Variants in MBP observed in about 807,000 individuals in gnomAD.
MBP encodes myelin basic protein, also known as Golli-MBP.
Under a neutral mutation model 35.8 loss-of-function variants are expected in MBP, and 16 were observed. The ratio of observed to expected loss-of-function variants is 0.45; its 90% CI spans 0.30 to 0.68. The LOEUF (loss-of-function observed/expected upper bound fraction) is 0.68, where lower values mean the gene tolerates loss of function less well. MBP is among the 30% of genes least tolerant of loss of function. MBP has a pLI of 0.08. For missense variants in MBP, 380 were observed against 404.7 expected, an observed-to-expected ratio of 0.94 and a Z score of 0.52; for synonymous variants, 143 against 159.6, an observed-to-expected ratio of 0.90 and a Z score of 0.78.
intron 2 of MBP, among the ~76,000 whole-genome samples, chr18:77,078,706 T>A (rs939687622): frequency 1.3e-5 from 2 of 152,110 alleles, no homozygotes; most frequent in African/African-American, 4.8e-5. Context: ...ATCCGCAGAG[T>A]GGGGGCACAT....
At chr18:77,082,443 G>A (rs1489013314) in intron 2 of MBP, among the ~76,000 whole-genome samples, 8 of 152,186 alleles carry the variant, frequency 5.3e-5, no homozygotes, top group African/African-American at 1.9e-4. Flanking sequence ...TCTTGGGTTG[G>A]GGAATAGGAT....
At chr18:77,081,584 A>G (rs983484786) in intron 2 of MBP, among the ~76,000 whole-genome samples, 1 of 152,092 alleles carries the variant, frequency 6.6e-6, no homozygotes, top group Non-Finnish European at 1.5e-5. Flanking sequence ...ATTCATGTAC[A>G]TTGCTAGTGG....
At chr18:77,000,709 T>C (rs997962811) in intron 4 of MBP, among the ~76,000 whole-genome samples, 5 of 151,792 alleles carry the variant, frequency 3.3e-5, no homozygotes, top group African/African-American at 9.7e-5. Context: ...GTTGTTGTTG[T>C]TTTTTTTGTT....
At chr18:77,056,948 G>T (rs775685922) in intron 3 of MBP, among the ~76,000 whole-genome samples, 1 of 152,100 alleles carries the variant, frequency 6.6e-6, no homozygotes, top group Non-Finnish European at 1.5e-5. Flanking sequence ...CCCTGACCAC[G>T]CCCACACCCA....
At chr18:77,027,451 C>T (rs1021695381) in intron 3 of MBP, among the ~76,000 whole-genome samples, 16 of 152,340 alleles carry the variant, frequency 1.1e-4, no homozygotes, top group African/African-American at 3.6e-4. Flanking sequence ...TCCCCCTGGG[C>T]AGGGGCAGGG....
intron 2 of MBP, among the ~76,000 whole-genome samples, chr18:77,078,079 A>G (rs1974735960): frequency 6.6e-6 from 1 of 152,188 alleles, no homozygotes; most frequent in South Asian, 2.1e-4. Context: ...CAGCTGAAGG[A>G]CAGTCACCTG....
chr18:77,024,805 C>T (rs1037090079), intron 3 of MBP, among the ~76,000 whole-genome samples: 1 of 152,242 alleles, frequency 6.6e-6, no homozygotes, highest in Non-Finnish European at 1.5e-5. Flanking sequence ...AGTCGCTGAG[C>T]CCAGATGTGC....
intron 3 of MBP, among the ~76,000 whole-genome samples, chr18:77,064,677 T>C (rs1417064467): frequency 6.6e-6 from 1 of 152,202 alleles, no homozygotes; most frequent in Non-Finnish European, 1.5e-5. Flanking sequence ...AAAATCGGCA[T>C]AAATTATCTT....
chr18:77,002,070 G>C (rs896942172), intron 4 of MBP, among the ~76,000 whole-genome samples: 3 of 152,188 alleles, frequency 2.0e-5, no homozygotes, highest in African/African-American at 7.2e-5. Flanking sequence ...TCAAATAACT[G>C]AGTGTTGATA....
intron 4 of MBP, among the ~76,000 whole-genome samples, chr18:76,992,723 G>A (rs1186806398): frequency 6.6e-6 from 1 of 152,182 alleles, no homozygotes; most frequent in East Asian, 1.9e-4. Flanking sequence ...GCCCTTGCCT[G>A]CAGCAGGAGC....
intron 2 of MBP, among the ~76,000 whole-genome samples, chr18:77,081,764 A>C (rs188965351): frequency 9.4e-6 from 1 of 106,392 alleles, no homozygotes; most frequent in Non-Finnish European, 2.1e-5. Context: ...ATATATATAT[A>C]TATACACACA....
In MBP at chr18:77,017,017, G is replaced by A. The variant is rs148247033; in HGVS notation, c.391C>T (p.Leu131=). Residue 131 remains leucine, a synonymous_variant, in exon 4 of 9, where the codon CTG becomes TTG. Transcript: ENST00000355994. ...CTCTTCTGTGACGCCATCACATCCA[G>A]GCTCTCGGAGGTGGCTGCACTGTCT... ...QEDSAATSES[L]DVMASQKRPS... 6.3e-4 allele frequency: 1,018 copies of A among 1,614,164 alleles called. 6 individuals are homozygous for A. Among genetic ancestry groups the A allele is most frequent in the Middle Eastern group, 4.9e-3 (30 of 6,062 alleles).
chr18:76,990,758 T>C (rs932098066), intron 4 of MBP: 1 of 201,222 alleles, frequency 5.0e-6, no homozygotes, highest in African/African-American at 2.4e-5. Context: ...GGTTGACAGG[T>C]GTACAACTAG....
chr18:77,024,172 C>T (rs992266176), intron 3 of MBP, among the ~76,000 whole-genome samples: 4 of 152,194 alleles, frequency 2.6e-5, no homozygotes, highest in Admixed American at 6.5e-5. Context: ...GCCCACAGGC[C>T]GCATGCAGCC....
chr18:77,011,144 T>C (rs181576626), intron 4 of MBP, among the ~76,000 whole-genome samples: 18 of 152,324 alleles, frequency 1.2e-4, no homozygotes, highest in Admixed American at 5.9e-4. Context: ...CGTCTCCTGA[T>C]GGATTCTCCC....
At chr18:77,036,810 C>T (rs538571809) in intron 3 of MBP, among the ~76,000 whole-genome samples, 6 of 144,084 alleles carry the variant, frequency 4.2e-5, no homozygotes, top group East Asian at 2.2e-4. Context: ...GTGCTGCTCA[C>T]GTTTTGGAGG....
In MBP at chr18:76,988,485, C is replaced by T. The variant is rs369212241; in HGVS notation, c.750+10G>A. 697 of 1,614,218 alleles carry T rather than the reference C, an allele frequency of 4.3e-4. 1 individual carries two copies. The highest frequency in any genetic ancestry group is 1.6e-3 in the Middle Eastern group (10 of 6,062). ...AAGAGGAAGCCGATGGAAGTGCGTT[C>T]GTCACCTACCCAGCTAAATCTGCTC... On this transcript the variant is annotated intron_variant, in intron 7 of 8. Transcript: ENST00000355994. The surrounding 1 kb of genome is among the most constrained non-coding windows in gnomAD (Gnocchi z 5.2).
intron 4 of MBP, among the ~76,000 whole-genome samples, chr18:76,994,606 T>C (rs75728223): frequency 6.6e-6 from 1 of 152,250 alleles, no homozygotes; most frequent in East Asian, 1.9e-4. Context: ...ATAATGAATA[T>C]ATTGATCACT....
intron 4 of MBP, chr18:77,013,235 C>G (rs1599062237): frequency 1.0e-6 from 1 of 985,332 alleles, no homozygotes; most frequent in African/African-American, 1.7e-5. Flanking sequence ...AATGGAGGTA[C>G]TGAGTGGCTG....
Sources: gnomAD v4.1 joint callset for allele counts (sites outside exome capture counted in the v4.1 genomes callset) on GRCh38, gnomAD v4.1.1 for gene constraint, Gnocchi (gnomAD v3.1) non-coding constraint, MANE v1.5 for transcripts, NCBI Gene and HGNC (gene_info 2026-07-23, HGNC 2026-07-21) for gene names.